The following EFCAB8 variants were observed in gnomAD, a reference collection of about 807,000 sequenced individuals.
The protein encoded by EFCAB8 is EF-hand calcium-binding domain-containing protein 8.
In EFCAB8, 100 loss-of-function variants were observed where a neutral mutation model predicts 116.3. The observed-to-expected ratio is 0.86, with a 90% confidence interval of 0.73 to 1.02. EFCAB8 has a LOEUF of 1.02. Ranked by LOEUF, EFCAB8 falls within the 50% of genes least tolerant of loss-of-function variation. The pLI is 0.00. For synonymous variants in EFCAB8, 558 were observed against 567.9 expected (o/e 0.98, Z 0.25); for missense variants, 1,320 against 1,416.9 (o/e 0.93, Z 1.10).
rs1983963696 is a variant in EFCAB8 at position 32,859,003 on chromosome 20, CAG to C, written c.-13_-12del. On this transcript the variant is annotated splice_region_variant and 5_prime_UTR_variant, in exon 1 of 27. Transcript: ENST00000400522. ...ATTAACTGAGGAGATCAAATTGAGT[CAG>C]GGTGAGTGAGGGTTTTAGGTGAAAG... 1 of 471,012 alleles carries C rather than the reference CAG, an allele frequency of 2.1e-6. No individual in the cohort carries two copies. The highest frequency in any genetic ancestry group is 2.0e-5 in the African/African-American group (1 of 50,070). The allele number at this position is 471,012 out of a possible 1,614,324, so 29.2% of individuals were successfully genotyped here. A position where few individuals can be genotyped will look rare whatever the true frequency, so the allele number is the denominator to read the frequency against.
chr20:32,948,220 A>G (rs566965352), intron 23 of EFCAB8, among the ~76,000 whole-genome samples: 1 of 152,284 alleles, frequency 6.6e-6, no homozygotes, highest in South Asian at 2.1e-4. Flanking sequence ...TATACAATAA[A>G]TTTGGCAACT....
At chr20:32,865,711 A>G (rs1984360042) in intron 2 of EFCAB8, among the ~76,000 whole-genome samples, 1 of 151,824 alleles carries the variant, frequency 6.6e-6, no homozygotes, top group Admixed American at 6.6e-5. Context: ...GTTCACGAGA[A>G]TCACTTGAAC....
intron 22 of EFCAB8, among the ~76,000 whole-genome samples, chr20:32,940,019 CCCTCCCTTCCTTCCTTCCTT>C (rs1236298106): frequency 2.6e-5 from 2 of 77,386 alleles, no homozygotes; most frequent in African/African-American, 6.1e-5. Context: ...CTCCCTCCCT[CCCTCCCTTCCTTCCTTCCTT>C]CCTTCCTTCC....
intron 20 of EFCAB8, among the ~76,000 whole-genome samples, chr20:32,926,341 A>C (rs1173630792): frequency 2.0e-5 from 3 of 152,230 alleles, no homozygotes; most frequent in African/African-American, 7.2e-5. Flanking sequence ...GACTACTGTG[A>C]AAGTTGTGTG....
At chr20:32,954,305 A>G (rs564698429) in intron 23 of EFCAB8, among the ~76,000 whole-genome samples, 1 of 152,228 alleles carries the variant, frequency 6.6e-6, no homozygotes, top group Non-Finnish European at 1.5e-5. Flanking sequence ...TCATTTTTGT[A>G]TATGGCATAA....
chr20:32,895,981 T>C (rs370573985), intron 9 of EFCAB8, among the ~76,000 whole-genome samples: 89 of 152,326 alleles, frequency 5.8e-4, no homozygotes, highest in African/African-American at 2.0e-3. Context: ...GCTTATTTTA[T>C]GATGCATGCC....
intron 16 of EFCAB8, 29 bp from the exon 17 acceptor site, chr20:32,912,765 C>G: frequency 1.4e-6 from 1 of 718,168 alleles, no homozygotes; most frequent in Non-Finnish European, 2.6e-6. Flanking sequence ...GATAAGTTTT[C>G]TAGTTCTGTT....
intron 3 of EFCAB8, among the ~76,000 whole-genome samples, chr20:32,875,202 C>T (rs1362138185): frequency 1.3e-5 from 2 of 152,112 alleles, no homozygotes; most frequent in Non-Finnish European, 2.9e-5. Flanking sequence ...TCAGCCAGGA[C>T]TTGTGGGGTG....
intron 3 of EFCAB8, among the ~76,000 whole-genome samples, chr20:32,873,986 T>C (rs1687826893): frequency 6.6e-6 from 1 of 151,948 alleles, no homozygotes; most frequent in Non-Finnish European, 1.5e-5. Context: ...AGTGGTGAAA[T>C]CTCTGCTCAC....
intron 20 of EFCAB8, among the ~76,000 whole-genome samples, chr20:32,926,155 G>C (rs891116492): frequency 6.6e-6 from 1 of 152,212 alleles, no homozygotes; most frequent in Non-Finnish European, 1.5e-5. Context: ...GCTGGCAAAG[G>C]AATGGCTGGG....
At chr20:32,960,241 G>A in intron 26 of EFCAB8, 80 bp downstream of exon 26, 7 of 1,264,534 alleles carry the variant, frequency 5.5e-6, no homozygotes, top group Non-Finnish European at 7.8e-6. Flanking sequence ...CCACCCTTGT[G>A]CCCACACAGC....
At chr20:32,949,308 G>A (rs1440467942) in intron 23 of EFCAB8, among the ~76,000 whole-genome samples, 1 of 152,146 alleles carries the variant, frequency 6.6e-6, no homozygotes, top group Non-Finnish European at 1.5e-5. Flanking sequence ...ACTGTTAATG[G>A]GTAGAAGACT....
chr20:32,893,261 G>A lies in EFCAB8; in HGVS notation c.846G>A (p.Leu282=), dbSNP rs1219591332. The A allele has an allele frequency of 6.4e-7, 1 of 1,551,982 alleles. No individual in the cohort carries two copies. Among genetic ancestry groups the A allele is most frequent in the Non-Finnish European group, 8.7e-7 (1 of 1,147,068 alleles). Residue 282 remains leucine (L), a synonymous_variant, in exon 9 of 27, where the codon CTG becomes CTA. Transcript: ENST00000400522. ...VFTSENMTSG[L]FNPRILPRAS... is the part of the protein sequence containing the mutation. ...CCTCCGAAAACATGACCAGTGGGCT[G>A]TTCAACCCCCGTATCCTCCCCAGGG...
intron 23 of EFCAB8, among the ~76,000 whole-genome samples, chr20:32,946,161 T>G (rs1988589413): frequency 6.6e-6 from 1 of 152,220 alleles, no homozygotes; most frequent in South Asian, 2.1e-4. Flanking sequence ...TCACCTTTGT[T>G]CTTAGTAGCC....
At chr20:32,951,025 T>C (rs1035995063) in intron 23 of EFCAB8, among the ~76,000 whole-genome samples, 22 of 152,198 alleles carry the variant, frequency 1.4e-4, no homozygotes, top group African/African-American at 5.3e-4. Flanking sequence ...GAAATACTAA[T>C]TAAAACCGCT....
At chr20:32,928,707 T>C (rs1987768646) in intron 20 of EFCAB8, among the ~76,000 whole-genome samples, 1 of 152,200 alleles carries the variant, frequency 6.6e-6, no homozygotes, top group Non-Finnish European at 1.5e-5. Context: ...TTTATTTCTT[T>C]TTTTGCCTAA....
chr20:32,947,970 AG>A, intron 23 of EFCAB8, among the ~76,000 whole-genome samples: 1 of 151,996 alleles, frequency 6.6e-6, no homozygotes, highest in East Asian at 1.9e-4. Context: ...TAAATAGAAG[AG>A]AAATAATAAA....
intron 22 of EFCAB8, among the ~76,000 whole-genome samples, chr20:32,939,437 C>T (rs931098459): frequency 6.8e-6 from 1 of 146,294 alleles, no homozygotes; most frequent in African/African-American, 2.6e-5. Context: ...CATGTGCCAC[C>T]ATGCCTGACT....
At chr20:32,958,014 C>T (rs1245049643) in intron 23 of EFCAB8, among the ~76,000 whole-genome samples, 1 of 152,090 alleles carries the variant, frequency 6.6e-6, no homozygotes, top group African/African-American at 2.4e-5. Flanking sequence ...TTTTCAGTAC[C>T]TACTTTTTAC....
Sources: allele counts gnomAD v4.1 joint callset (sites outside exome capture counted in the v4.1 genomes callset), GRCh38; gene constraint gnomAD v4.1.1; transcripts MANE v1.5; gene names NCBI Gene and HGNC (gene_info 2026-07-23, HGNC 2026-07-21).